Variants in DLGAP2 observed in about 807,000 individuals in gnomAD.
DLGAP2 encodes DLG associated protein 2, also known as disks large-associated protein 2.
In DLGAP2, 26 loss-of-function variants were observed where a neutral mutation model predicts 100.3. The observed-to-expected ratio is 0.26, with a 90% CI of 0.19 to 0.36. The LOEUF (loss-of-function observed/expected upper bound fraction) is 0.36. Among genes scored for constraint, DLGAP2 ranks in the 10% least tolerant of loss-of-function variants. The pLI is 1.00. For synonymous variants in DLGAP2, 886 were observed against 630.1 expected, an observed-to-expected ratio of 1.41 and a Z score of -6.08; for missense variants, 1,858 against 1,453.2, an observed-to-expected ratio of 1.28 and a Z score of -4.53.
chr8:861,559 ACAGT>A (rs947689751), intron 1 of DLGAP2, among the ~76,000 whole-genome samples: 7 of 152,222 alleles, frequency 4.6e-5, no homozygotes, highest in Non-Finnish European at 7.3e-5. Flanking sequence ...AAATTAATAA[ACAGT>A]CAGGTAGTTT....
At chr8:1,286,841 G>T (rs912817042) in intron 3 of DLGAP2, among the ~76,000 whole-genome samples, 2 of 152,228 alleles carry the variant, frequency 1.3e-5, no homozygotes, top group African/African-American at 4.8e-5. Context: ...GCCGTATGGG[G>T]AAAGTGACTT....
chr8:1,529,666 G>C (rs1459764525), intron 4 of DLGAP2, among the ~76,000 whole-genome samples: 1 of 152,174 alleles, frequency 6.6e-6, no homozygotes, highest in Non-Finnish European at 1.5e-5. Context: ...CAGAAGTTAA[G>C]CTTGAACAAT....
intron 2 of DLGAP2, among the ~76,000 whole-genome samples, chr8:1,190,695 G>C (rs983728576): frequency 6.6e-6 from 1 of 152,178 alleles, no homozygotes; most frequent in Non-Finnish European, 1.5e-5. Context: ...GTCTTACGTA[G>C]AGAAGAAGAA....
At chr8:761,523 G>T (rs1821083627) in intron 1 of DLGAP2, among the ~76,000 whole-genome samples, 1 of 152,252 alleles carries the variant, frequency 6.6e-6, no homozygotes, top group African/African-American at 2.4e-5. Context: ...AAAATCTGTG[G>T]ATTTTACAAT....
intron 6 of DLGAP2, among the ~76,000 whole-genome samples, chr8:1,623,521 A>G (rs1441507678): frequency 6.6e-6 from 1 of 151,490 alleles, no homozygotes; most frequent in Non-Finnish European, 1.5e-5. Context: ...ACCTGACACC[A>G]GTGCGTCATG....
rs553034388 is a variant in DLGAP2 at position 1,023,260 on chromosome 8, G to A, written c.73+115294G>A. Among the ~76,000 whole-genome samples the A allele has an allele frequency of 8.5e-4, 130 of 152,340 alleles. No homozygotes were observed. The Middle Eastern group carries it at 0.017, about 20-fold the overall frequency. On this transcript the variant is annotated intron_variant, in intron 2 of 14. Coordinates refer to ENST00000637795, the MANE Select transcript of DLGAP2 (RefSeq NM_001346810.2). ...GTGCCTGAGATATAGCAGTTCAGAA[G>A]TGGAGCTATCACGTAGGTCTGTTCG... is the stretch of plus-strand genomic sequence containing the variant.
chr8:1,091,588 C>A (rs1476280832), intron 2 of DLGAP2, among the ~76,000 whole-genome samples: 1 of 152,232 alleles, frequency 6.6e-6, no homozygotes, highest in South Asian at 2.1e-4. Flanking sequence ...CGCAGTGATG[C>A]CATATCATTC....
intron 4 of DLGAP2, among the ~76,000 whole-genome samples, chr8:1,515,531 C>T (rs1017787699): frequency 2.0e-5 from 3 of 152,134 alleles, no homozygotes; most frequent in Non-Finnish European, 2.9e-5. Context: ...CACATGCAGA[C>T]ACACATGCAG....
At chr8:1,681,325 A>G (rs1337934556) in intron 12 of DLGAP2, among the ~76,000 whole-genome samples, 4 of 146,972 alleles carry the variant, frequency 2.7e-5, no homozygotes, top group East Asian at 4.9e-4. Flanking sequence ...TTGAAAAGAT[A>G]TCTTTTAAAA....
chr8:1,080,804 A>G (rs1803781626), intron 2 of DLGAP2, among the ~76,000 whole-genome samples: 1 of 152,206 alleles, frequency 6.6e-6, no homozygotes, highest in Non-Finnish European at 1.5e-5. Context: ...ATACTAGGTC[A>G]GATCCACTCA....
intron 1 of DLGAP2, chr8:883,259 C>T (rs1168052020): frequency 1.3e-5 from 2 of 152,324 alleles, no homozygotes; most frequent in Non-Finnish European, 2.9e-5. Context: ...GGCAGCGTCT[C>T]AGGCTGTCTG....
intron 3 of DLGAP2, among the ~76,000 whole-genome samples, chr8:1,314,242 G>T (rs73670746): frequency 6.6e-6 from 1 of 152,118 alleles, no homozygotes; most frequent in African/African-American, 2.4e-5. Context: ...TTGAGTTACT[G>T]TTGAGTTAGA....
At chr8:780,293 C>T (rs1332794207) in intron 1 of DLGAP2, among the ~76,000 whole-genome samples, 1 of 152,184 alleles carries the variant, frequency 6.6e-6, no homozygotes, top group South Asian at 2.1e-4. Flanking sequence ...GTCTTCCAGG[C>T]TCATTCACAT....
intron 2 of DLGAP2, among the ~76,000 whole-genome samples, chr8:1,060,302 GCGGGC>G (rs1803038560): frequency 6.6e-6 from 1 of 150,542 alleles, no homozygotes; most frequent in African/African-American, 2.4e-5. Context: ...CCCTCCCAAG[GCGGGC>G]TCCCTCTGGA....
intron 2 of DLGAP2, among the ~76,000 whole-genome samples, chr8:958,006 G>T (rs1024679388): frequency 6.6e-6 from 1 of 152,120 alleles, no homozygotes; most frequent in Non-Finnish European, 1.5e-5. Context: ...CGTCATCCCT[G>T]TAGAAACTCT....
intron 7 of DLGAP2, among the ~76,000 whole-genome samples, chr8:1,632,469 G>A (rs926706097): frequency 1.3e-5 from 2 of 152,212 alleles, no homozygotes; most frequent in African/African-American, 4.8e-5. Flanking sequence ...GTGGGAAAGG[G>A]AAGGAAGAAA....
chr8:1,182,933 A>G (rs1197639098), intron 2 of DLGAP2, among the ~76,000 whole-genome samples: 1 of 152,164 alleles, frequency 6.6e-6, no homozygotes, highest in Non-Finnish European at 1.5e-5. Flanking sequence ...CTGCGGTGGC[A>G]TGGGTGGGAG....
At chr8:943,168 C>G (rs1262225593) in intron 2 of DLGAP2, among the ~76,000 whole-genome samples, 2 of 152,218 alleles carry the variant, frequency 1.3e-5, no homozygotes, top group African/African-American at 4.8e-5. Context: ...CTATTTTATA[C>G]CAGACCACAG....
rs1471018794 is a variant in DLGAP2, at chr8:1,348,777, C to T, written c.106+89894C>T. On this transcript the variant is annotated intron_variant, in intron 3 of 14. Transcript: ENST00000637795. ...CATGATGGCTTTGCAAAGGAGCCAA[C>T]CCATTGTGTATGCGGTGGAGCGTGT... Among the ~76,000 whole-genome samples the T allele has an allele frequency of 2.6e-5, 4 of 152,336 alleles. No individual in the cohort carries two copies. In the East Asian group the frequency reaches 7.7e-4, roughly 29 times the overall value.
Sources: gnomAD v4.1 joint callset for allele counts (sites outside exome capture counted in the v4.1 genomes callset) on GRCh38, gnomAD v4.1.1 for gene constraint, MANE v1.5 for transcripts, NCBI Gene and HGNC (gene_info 2026-07-23, HGNC 2026-07-21) for gene names.